Variants in LRRTM3 observed in about 807,000 individuals in gnomAD.
LRRTM3 encodes the protein leucine-rich repeat transmembrane neuronal protein 3.
A neutral mutation model predicts 44.7 loss-of-function variants in LRRTM3; 24 were observed. The observed-to-expected ratio is 0.54, with a 90% confidence interval of 0.39 to 0.76. The LOEUF is 0.76. Ranked by LOEUF, LRRTM3 falls within the 30% of genes least tolerant of loss-of-function variation. The probability of loss-of-function intolerance (pLI) is 0.00; values close to 1 mark genes in which losing one functional copy is unlikely to be tolerated. For missense variants in LRRTM3, 587 were observed against 702.2 expected (o/e 0.84, Z 1.85); for synonymous variants, 277 against 278.7 (o/e 0.99, Z 0.06).
At chr10:67,024,153 C>G (rs1245602358) in intron 2 of LRRTM3, among the ~76,000 whole-genome samples, 4 of 152,200 alleles carry the variant, frequency 2.6e-5, no homozygotes, top group Non-Finnish European at 5.9e-5. Context: ...GTTTCCTTGC[C>G]TCTCTAGCTT....
At chr10:67,061,387 G>A (rs1855747574) in intron 2 of LRRTM3, among the ~76,000 whole-genome samples, 1 of 152,146 alleles carries the variant, frequency 6.6e-6, no homozygotes, top group South Asian at 2.1e-4. Flanking sequence ...CATCAGCAAA[G>A]TAATTTTTAG....
intron 2 of LRRTM3, among the ~76,000 whole-genome samples, chr10:66,955,043 A>C (rs1182647556): frequency 2.0e-5 from 3 of 152,200 alleles, no homozygotes; most frequent in Admixed American, 6.6e-5. Context: ...GCATTATCAA[A>C]GTCTTTCCAA....
chr10:67,022,711 G>A (rs1440673671), intron 2 of LRRTM3, among the ~76,000 whole-genome samples: 1 of 152,144 alleles, frequency 6.6e-6, no homozygotes, highest in Non-Finnish European at 1.5e-5. Context: ...GCCGAGGCGG[G>A]CAGATCATGA....
intron 2 of LRRTM3, among the ~76,000 whole-genome samples, chr10:67,000,250 C>T (rs184261972): frequency 1.3e-5 from 2 of 152,212 alleles, no homozygotes; most frequent in African/African-American, 4.8e-5. Flanking sequence ...AGAAGTAAAA[C>T]CATTTGGAAT....
At chr10:66,993,544 C>A (rs1380285605) in intron 2 of LRRTM3, among the ~76,000 whole-genome samples, 2 of 152,026 alleles carry the variant, frequency 1.3e-5, no homozygotes, top group Non-Finnish European at 2.9e-5. Context: ...GACCCTTTTC[C>A]TTCCAACTAT....
chr10:67,045,836 T>C (rs1047834068), intron 2 of LRRTM3, among the ~76,000 whole-genome samples: 1 of 152,168 alleles, frequency 6.6e-6, no homozygotes, highest in East Asian at 1.9e-4. Flanking sequence ...AGTGAAGCCT[T>C]CCTGACTCCT....
chr10:66,968,862 C>T (rs536593262), intron 2 of LRRTM3, among the ~76,000 whole-genome samples: 2 of 151,894 alleles, frequency 1.3e-5, no homozygotes, highest in African/African-American at 4.8e-5. Flanking sequence ...ACCAAAACTA[C>T]AAAAATTAGC....
chr10:67,042,893 C>G (rs760688115), intron 2 of LRRTM3, among the ~76,000 whole-genome samples: 23 of 152,036 alleles, frequency 1.5e-4, no homozygotes, highest in Non-Finnish European at 2.6e-4. Flanking sequence ...GAGGGTTTAA[C>G]TATATTTCCT....
intron 2 of LRRTM3, among the ~76,000 whole-genome samples, chr10:66,976,196 A>G (rs1589528877): frequency 1.3e-5 from 2 of 152,204 alleles, no homozygotes; most frequent in East Asian, 3.9e-4. Flanking sequence ...CTCATGAAAT[A>G]ATTATAAGTA....
chr10:67,017,541 C>T (rs962460852), intron 2 of LRRTM3, among the ~76,000 whole-genome samples: 18 of 152,106 alleles, frequency 1.2e-4, no homozygotes, highest in African/African-American at 2.2e-4. Context: ...CTCTATGGTT[C>T]GGCCTTTAAG....
intron 2 of LRRTM3, among the ~76,000 whole-genome samples, chr10:66,953,262 A>C (rs1440644814): frequency 6.6e-6 from 1 of 152,226 alleles, no homozygotes; most frequent in Non-Finnish European, 1.5e-5. Flanking sequence ...ACAGAAAAGT[A>C]ATTCTTATGA....
chr10:66,944,562 T>C (rs1848184421), intron 2 of LRRTM3, among the ~76,000 whole-genome samples: 1 of 152,160 alleles, frequency 6.6e-6, no homozygotes, highest in African/African-American at 2.4e-5. Context: ...TTTAGAATGG[T>C]GACTCTTACC....
At chr10:67,061,557 A>T (rs1195782601) in intron 2 of LRRTM3, among the ~76,000 whole-genome samples, 1 of 152,154 alleles carries the variant, frequency 6.6e-6, no homozygotes, top group Non-Finnish European at 1.5e-5. Context: ...CAGGCATATC[A>T]AAAAATGAAT....
intron 2 of LRRTM3, among the ~76,000 whole-genome samples, chr10:66,954,493 G>A (rs1198049345): frequency 2.6e-5 from 4 of 152,104 alleles, no homozygotes; most frequent in African/African-American, 4.8e-5. Flanking sequence ...ACACGGTCCC[G>A]CAATGGATTA....
intron 2 of LRRTM3, among the ~76,000 whole-genome samples, chr10:66,954,087 T>C (rs1281328350): frequency 6.6e-6 from 1 of 152,180 alleles, no homozygotes; most frequent in Non-Finnish European, 1.5e-5. Context: ...AAAATGCTGG[T>C]CAAAAATAAA....
At position 66,926,597 on chromosome 10, in the gene LRRTM3, G is replaced by A; in HGVS notation, c.4+10G>A. 2 of 1,613,782 alleles carry A rather than the reference G, an allele frequency of 1.2e-6. No individual in the cohort carries two copies. Among genetic ancestry groups the A allele is most frequent in the Non-Finnish European group, 8.5e-7 (1 of 1,179,932 alleles). ...ACAATACAAAGGATGGGTATGTTTTGTCATTTTTCTTCTTTCCTTCTTAAA... is the reference window on the plus strand; with the variant it reads ...ACAATACAAAGGATGGGTATGTTTTATCATTTTTCTTCTTTCCTTCTTAAA... On this transcript the variant is annotated intron_variant, in intron 1 of 2. Transcript: ENST00000361320.
At chr10:66,971,761 T>C (rs1849736962) in intron 2 of LRRTM3, among the ~76,000 whole-genome samples, 1 of 152,160 alleles carries the variant, frequency 6.6e-6, no homozygotes, top group African/African-American at 2.4e-5. Context: ...AGAGAAAATA[T>C]ACCATAAACA....
intron 2 of LRRTM3, among the ~76,000 whole-genome samples, chr10:66,979,992 GA>G (rs1249928962): frequency 6.6e-6 from 1 of 152,162 alleles, no homozygotes; most frequent in Admixed American, 6.6e-5. Context: ...GTGTTCAAAA[GA>G]AGAGGAAGGA....
rs760738644 is a variant in LRRTM3 at position 66,972,905 on chromosome 10, T to C, written c.1536+44453T>C. On this transcript the variant is annotated intron_variant, in intron 2 of 2. Transcript: ENST00000361320. The stretch of plus-strand genomic sequence containing the variant: ...GTCTGTATTTTTAGTAGAGATGGGG[T>C]TTCACCATGTTGACAAGTTTCATAG... 7.7e-4 allele frequency among the ~76,000 whole-genome samples: 117 copies of C among 151,902 alleles called. 11 individuals carry two copies. Among genetic ancestry groups the C allele is most frequent in the Non-Finnish European group, 2.5e-4 (17 of 67,996 alleles).
Sources: gnomAD v4.1 joint callset for allele counts (sites outside exome capture counted in the v4.1 genomes callset) on GRCh38, gnomAD v4.1.1 for gene constraint, MANE v1.5 for transcripts, NCBI Gene and HGNC (gene_info 2026-07-23, HGNC 2026-07-21) for gene names.